Variants in LUC7L3 observed in about 807,000 individuals in gnomAD.
The protein encoded by LUC7L3 is luc7-like protein 3.
In LUC7L3, 6 loss-of-function variants were observed where a neutral mutation model predicts 66.8. The observed-to-expected ratio is 0.09, with a 90% CI of 0.05 to 0.18. LUC7L3 has a LOEUF of 0.18. Among genes scored for constraint, LUC7L3 ranks in the 10% least tolerant of loss-of-function variants. The pLI is 1.00. For synonymous variants in LUC7L3, 160 were observed against 174.7 expected (o/e 0.92, Z 0.66); for missense variants, 341 against 531.1 (o/e 0.64, Z 3.52).
chr17:50,730,513 C>CAAAAAAAAAAAA (rs3063109), intron 1 of LUC7L3, among the ~76,000 whole-genome samples: 16 of 59,088 alleles, frequency 2.7e-4, no homozygotes, highest in African/African-American at 7.5e-4. Context: ...ACTCTGTCTC[C>CAAAAAAAAAAAA]AAAAAAAAAA....
In LUC7L3 at chr17:50,733,663, A is replaced by C. The variant is rs549899319; in HGVS notation, c.100-3297A>C. Among the ~76,000 whole-genome samples the C allele has an allele frequency of 3.9e-5, 6 of 152,254 alleles. No homozygotes were observed. In the East Asian group the frequency reaches 1.2e-3, roughly 29 times the overall value. On this transcript the variant is annotated intron_variant, in intron 1 of 9. Transcript: ENST00000505658. ...TGATCCGCACGCCTCAGCCTCCCAAAGTGCTGGGATTACAGGCGTGCAGCC... is the reference window on the plus strand; with the variant it reads ...TGATCCGCACGCCTCAGCCTCCCAACGTGCTGGGATTACAGGCGTGCAGCC...
chr17:50,742,025 G>T (rs1970377850), intron 5 of LUC7L3, among the ~76,000 whole-genome samples: 1 of 152,166 alleles, frequency 6.6e-6, no homozygotes, highest in Non-Finnish European at 1.5e-5. Flanking sequence ...GTAGTTAGAC[G>T]TGTCTGTGCC....
At chr17:50,727,441 A>G (rs1969269293) in intron 1 of LUC7L3, among the ~76,000 whole-genome samples, 1 of 152,140 alleles carries the variant, frequency 6.6e-6, no homozygotes, top group African/African-American at 2.4e-5. Context: ...TTTTCCAGTC[A>G]ACTAAGAATG....
At chr17:50,743,222 A>G (rs1970460640) in intron 5 of LUC7L3, among the ~76,000 whole-genome samples, 1 of 151,142 alleles carries the variant, frequency 6.6e-6, no homozygotes, top group African/African-American at 2.4e-5. Context: ...AAAAAAAAAC[A>G]GAGTCTCACG....
At chr17:50,732,261 G>C (rs1969655543) in intron 1 of LUC7L3, among the ~76,000 whole-genome samples, 1 of 152,224 alleles carries the variant, frequency 6.6e-6, no homozygotes, top group South Asian at 2.1e-4. Context: ...TTAATCGGAA[G>C]TCAGCCTGGC....
intron 2 of LUC7L3, chr17:50,738,103 TC>T: frequency 2.2e-6 from 1 of 453,822 alleles, no homozygotes; most frequent in Non-Finnish European, 4.4e-6. Context: ...TCTGCCCTGT[TC>T]CTAGAAGGAT....
rs1971074554 is a variant in LUC7L3, at chr17:50,754,467, C to T, written c.*3806C>T. The stretch of plus-strand genomic sequence containing the variant: ...TAAAAGACAAAGACCTCTTAAATAA[C>T]AGTTCATTAGTATAAAACAAATTGG... On this transcript the variant is annotated 3_prime_UTR_variant, in exon 10 of 10. Coordinates refer to ENST00000505658, the MANE Select transcript of LUC7L3 (RefSeq NM_016424.5). 6.6e-6 allele frequency: 1 copy of T among 152,124 alleles called. No individual in the cohort carries two copies. Among genetic ancestry groups the T allele is most frequent in the Admixed American group, 6.6e-5 (1 of 15,266 alleles). The allele number at this position is 152,124 out of a possible 1,614,324, so 9.4% of individuals were successfully genotyped here.
chr17:50,754,502 T>C lies in LUC7L3; in HGVS notation c.*3841T>C, dbSNP rs1230273372. The stretch of plus-strand genomic sequence containing the variant: ...GTATAAAACAAATTGGGTAAACTTT[T>C]GTTGGTCATCAAACTATATTAGCAC... On this transcript the variant is annotated 3_prime_UTR_variant, in exon 10 of 10. Transcript: ENST00000505658. 6.6e-6 allele frequency: 1 copy of C among 152,224 alleles called. No individual in the cohort carries two copies. Among genetic ancestry groups the C allele is most frequent in the African/African-American group, 2.4e-5 (1 of 41,456 alleles). 9.4% of individuals were successfully genotyped at this position (152,224 alleles called of 1,614,324 possible).
chr17:50,728,992 A>G (rs1969390626), intron 1 of LUC7L3, among the ~76,000 whole-genome samples: 2 of 152,308 alleles, frequency 1.3e-5, no homozygotes, highest in East Asian at 3.9e-4. Flanking sequence ...AACGTCGTTA[A>G]TGGGTTCTTG....
intron 6 of LUC7L3, 89 bp from the exon 7 acceptor site, chr17:50,744,563 A>C: frequency 8.3e-7 from 1 of 1,211,546 alleles, no homozygotes; most frequent in Non-Finnish European, 1.2e-6. Context: ...ATTCACACAC[A>C]TTAGAAATCT....
Position 50,719,646 on chromosome 17 carries a change from C to T in LUC7L3, c.-87C>T. 4 of 1,133,146 alleles carry T rather than the reference C, an allele frequency of 3.5e-6. No individual in the cohort carries two copies. In the South Asian group the frequency reaches 4.1e-5, roughly 12 times the overall value. 70.2% of individuals were successfully genotyped at this position (1,133,146 alleles called of 1,614,324 possible). Reference sequence around the variant, plus strand: ...TGTAGGAGGGATTTCGGCCTGAGAGCGGGCCGAGGAGATTGGCGACGGTGT... The same window carrying T: ...TGTAGGAGGGATTTCGGCCTGAGAGTGGGCCGAGGAGATTGGCGACGGTGT... On this transcript the variant is annotated 5_prime_UTR_variant, in exon 1 of 10. Transcript: ENST00000505658.
In LUC7L3 at chr17:50,719,648, G is replaced by A. The variant is rs2146672555; in HGVS notation, c.-85G>A. The stretch of plus-strand genomic sequence containing the variant: ...TAGGAGGGATTTCGGCCTGAGAGCG[G>A]GCCGAGGAGATTGGCGACGGTGTCG... On this transcript the variant is annotated 5_prime_UTR_variant, in exon 1 of 10. Transcript: ENST00000505658. 10 of 1,172,764 alleles carry A rather than the reference G, an allele frequency of 8.5e-6. No homozygotes were observed. The highest frequency in any genetic ancestry group is 1.2e-5 in the Non-Finnish European group (10 of 804,482). The allele number at this position is 1,172,764 out of a possible 1,614,324, so 72.6% of individuals were successfully genotyped here.
At chr17:50,730,529 A>AAAAAAAAAAAAAAAAAAG (rs1567861403) in intron 1 of LUC7L3, among the ~76,000 whole-genome samples, 4 of 150,930 alleles carry the variant, frequency 2.7e-5, no homozygotes, top group African/African-American at 9.8e-5. Context: ...AAAAAAAAAA[A>AAAAAAAAAAAAAAAAAAG]AAAAAAAAAG....
At chr17:50,732,657 C>CA (rs1969691259) in intron 1 of LUC7L3, among the ~76,000 whole-genome samples, 1 of 151,604 alleles carries the variant, frequency 6.6e-6, no homozygotes, top group Admixed American at 6.6e-5. Context: ...GCTGGGATTA[C>CA]AGGCATAAGC....
rs912944258 is a variant in LUC7L3 at position 50,723,661 on chromosome 17, C to CT, written c.99+3841dup. ...TCTACCCTGCTCCCTGCCCCCCCCC[C>CT]TTTTTTTTTTTGAGACAGAGTCTAG... On this transcript the variant is annotated intron_variant, in intron 1 of 9. Transcript: ENST00000505658. 1.7e-3 allele frequency: 155 copies of CT among 89,278 alleles called. 1 individual carries two copies. Among genetic ancestry groups the CT allele is most frequent in the South Asian group, 4.6e-3 (17 of 3,728 alleles). 5.5% of individuals were successfully genotyped at this position (89,278 alleles called of 1,614,324 possible). A position where few individuals can be genotyped will look rare whatever the true frequency, so the allele number is the denominator to read the frequency against.
chr17:50,720,810 T>TA (rs1454873129), intron 1 of LUC7L3, among the ~76,000 whole-genome samples: 1 of 152,200 alleles, frequency 6.6e-6, no homozygotes, highest in Admixed American at 6.5e-5. Flanking sequence ...TTGGTTAAGG[T>TA]AAAATTTCTT....
At chr17:50,737,704 G>T (rs975969794) in intron 2 of LUC7L3, among the ~76,000 whole-genome samples, 1 of 152,046 alleles carries the variant, frequency 6.6e-6, no homozygotes, top group Non-Finnish European at 1.5e-5. Context: ...GACATTGCCA[G>T]ATGTCCCCCA....
rs1971000096 is a variant in LUC7L3, at chr17:50,752,105, A to T, written c.*1444A>T. 2 of 1,256,648 alleles carry T rather than the reference A, an allele frequency of 1.6e-6. No homozygotes were observed. The highest frequency in any genetic ancestry group is 2.1e-6 in the Non-Finnish European group (2 of 974,962). 77.8% of individuals were successfully genotyped at this position (1,256,648 alleles called of 1,614,324 possible). On this transcript the variant is annotated 3_prime_UTR_variant, in exon 10 of 10. Transcript: ENST00000505658. ...TACAAGCATTCCATGTACACATGTT[A>T]ATTAGCAGTTAGTGACTGGGCCAAC...
Position 50,755,206 on chromosome 17 carries a change from TG to T in LUC7L3, c.*4546del, listed in dbSNP as rs1971089475. On this transcript the variant is annotated 3_prime_UTR_variant, in exon 10 of 10. Coordinates refer to ENST00000505658, the MANE Select transcript of LUC7L3 (RefSeq NM_016424.5). ...ATGGTTAAAAAAAAAAAGTGTTCAG[TG>T]ATCTATGTCTCCTACTACTCCTATT... 6.6e-6 allele frequency: 1 copy of T among 152,182 alleles called. No individual in the cohort carries two copies. Among genetic ancestry groups the T allele is most frequent in the African/African-American group, 2.4e-5 (1 of 41,454 alleles). The allele number at this position is 152,182 out of a possible 1,614,324, so 9.4% of individuals were successfully genotyped here. A position where few individuals can be genotyped will look rare whatever the true frequency, so the allele number is the denominator to read the frequency against.
Sources: allele counts gnomAD v4.1 joint callset (sites outside exome capture counted in the v4.1 genomes callset), GRCh38; gene constraint gnomAD v4.1.1; transcripts MANE v1.5; gene names NCBI Gene and HGNC (gene_info 2026-07-23, HGNC 2026-07-21).